The following FAM20C variants were observed in gnomAD, a reference collection of about 807,000 sequenced individuals.
FAM20C encodes extracellular serine/threonine protein kinase FAM20C.
In FAM20C, 40 loss-of-function variants were observed where a neutral mutation model predicts 51.5. The ratio of observed to expected loss-of-function variants is 0.78; its 90% CI spans 0.60 to 1.01. FAM20C has a LOEUF of 1.01. FAM20C is among the 50% of genes least tolerant of loss of function. FAM20C has a pLI of 0.00. For synonymous variants in FAM20C, 406 were observed against 380.6 expected, an observed-to-expected ratio of 1.07 and a Z score of -0.78; for missense variants, 861 against 844.7, an observed-to-expected ratio of 1.02 and a Z score of -0.24.
chr7:200,547 C>A (rs1337704034), intron 2 of FAM20C, among the ~76,000 whole-genome samples: 1 of 152,246 alleles, frequency 6.6e-6, no homozygotes, highest in African/African-American at 2.4e-5. Context: ...GAGACAGCAG[C>A]CCCCTAGCTG....
intron 7 of FAM20C, 64 bp downstream of exon 7, chr7:256,827 G>A: frequency 1.4e-6 from 2 of 1,473,026 alleles, no homozygotes; most frequent in Non-Finnish European, 9.2e-7. Context: ...ATGCACGCAG[G>A]GCTCTGCAGG....
chr7:247,262 C>T (rs561719531), intron 4 of FAM20C, among the ~76,000 whole-genome samples: 3 of 152,280 alleles, frequency 2.0e-5, no homozygotes, highest in East Asian at 1.9e-4. Context: ...GTGGGGGGTC[C>T]GTGTTCAGTG....
intron 2 of FAM20C, among the ~76,000 whole-genome samples, chr7:198,589 C>T (rs917685842): frequency 2.0e-5 from 3 of 152,266 alleles, no homozygotes; most frequent in South Asian, 4.1e-4. Context: ...GCCCTAGACC[C>T]GTGTGGGCAT....
intron 5 of FAM20C, among the ~76,000 whole-genome samples, chr7:248,666 C>G (rs1788275399): frequency 7.2e-6 from 1 of 138,340 alleles, no homozygotes; most frequent in Non-Finnish European, 1.6e-5. Flanking sequence ...GGCACGGGGG[C>G]CCACATTCAC....
chr7:229,947 C>T (rs1003634343), intron 3 of FAM20C, among the ~76,000 whole-genome samples: 1 of 151,980 alleles, frequency 6.6e-6, no homozygotes, highest in African/African-American at 2.4e-5. Flanking sequence ...GAGTTTGGCC[C>T]TGGAGAAGGG....
At chr7:205,753 C>A (rs1042839381) in intron 2 of FAM20C, among the ~76,000 whole-genome samples, 8 of 152,246 alleles carry the variant, frequency 5.3e-5, no homozygotes, top group African/African-American at 1.7e-4. Flanking sequence ...GGGGACTCTG[C>A]TTTCTCGTCT....
intron 3 of FAM20C, among the ~76,000 whole-genome samples, chr7:230,531 C>T (rs891133251): frequency 1.3e-5 from 2 of 152,254 alleles, no homozygotes; most frequent in Admixed American, 6.5e-5. Flanking sequence ...GGAGGGTGGC[C>T]GGGCCGTCTG....
chr7:256,068 A>G (rs1232595738), intron 6 of FAM20C, 39 bp downstream of exon 6: 6 of 1,525,380 alleles, frequency 3.9e-6, no homozygotes, highest in Admixed American at 2.0e-5. Flanking sequence ...CGGCCACCCT[A>G]CGGCAGAGGG....
At position 226,332 on chromosome 7, in the gene FAM20C, A is replaced by G. The variant is rs1787443773; in HGVS notation, c.863+17356A>G. Among the ~76,000 whole-genome samples the G allele has an allele frequency of 2.0e-5, 3 of 152,140 alleles. No individual in the cohort carries two copies. The South Asian group carries it at 6.2e-4, about 31-fold the overall frequency. ...GCTAGGAGGGGCCCTGGAGGGTCAC[A>G]GTGCAGGGGGTGGAAGGTTTGAAAA... On this transcript the variant is annotated intron_variant, in intron 3 of 9. Transcript: ENST00000313766.
At chr7:222,789 T>C (rs966162779) in intron 3 of FAM20C, among the ~76,000 whole-genome samples, 29 of 152,242 alleles carry the variant, frequency 1.9e-4, no homozygotes, top group Admixed American at 1.5e-3. Flanking sequence ...AGCGTGTGGG[T>C]GTGCATTGCC....
In FAM20C at chr7:259,026, G is replaced by A. The variant is rs149155557; in HGVS notation, c.1505+321G>A. ...AGACACAGGGACCCTGCTCCCGCAC[G>A]CAGCTGCCGGTCTCTGCCACTGCCA... On this transcript the variant is annotated intron_variant, in intron 9 of 9. Coordinates refer to ENST00000313766, the MANE Select transcript of FAM20C (RefSeq NM_020223.4). Among the ~76,000 whole-genome samples, 365 of 152,346 alleles carry A rather than the reference G, an allele frequency of 2.4e-3. 8 individuals are homozygous for A. In the East Asian group the frequency reaches 0.045, roughly 19 times the overall value.
chr7:251,527 A>C (rs1289147858), intron 5 of FAM20C, among the ~76,000 whole-genome samples: 1 of 152,066 alleles, frequency 6.6e-6, no homozygotes, highest in African/African-American at 2.4e-5. Context: ...CTCAAAAAAA[A>C]AAAAGACTGA....
chr7:228,799 A>C (rs1199661429), intron 3 of FAM20C: 2 of 456,014 alleles, frequency 4.4e-6, no homozygotes, highest in Non-Finnish European at 8.8e-6. Context: ...TGCTGACGGC[A>C]TGAGTGGGGT....
At chr7:205,714 T>C (rs1457427034) in intron 2 of FAM20C, among the ~76,000 whole-genome samples, 1 of 152,140 alleles carries the variant, frequency 6.6e-6, no homozygotes, top group Non-Finnish European at 1.5e-5. Flanking sequence ...AGCTCCTCCC[T>C]TGTGCCCAAG....
intron 2 of FAM20C, chr7:197,359 C>T (rs1260644645): frequency 6.0e-6 from 1 of 167,134 alleles, no homozygotes; most frequent in African/African-American, 2.4e-5. Flanking sequence ...TGAGGACCTT[C>T]CACAGGGTCT....
At chr7:250,776 T>G (rs1788367499) in intron 5 of FAM20C, among the ~76,000 whole-genome samples, 1 of 152,254 alleles carries the variant, frequency 6.6e-6, no homozygotes, top group Non-Finnish European at 1.5e-5. Flanking sequence ...TCCGCTCCAG[T>G]GATGCCTGGA....
chr7:206,381 GC>G (rs1335539374), intron 2 of FAM20C, among the ~76,000 whole-genome samples: 4 of 152,024 alleles, frequency 2.6e-5, no homozygotes, highest in Non-Finnish European at 5.9e-5. Context: ...CACGCTGGCC[GC>G]CCTTCCCTTT....
At chr7:242,530 A>G (rs535869998) in intron 3 of FAM20C, among the ~76,000 whole-genome samples, 4 of 151,472 alleles carry the variant, frequency 2.6e-5, no homozygotes, top group South Asian at 4.2e-4. Context: ...GGGCAGGGCC[A>G]GTGAGCTGGG....
intron 3 of FAM20C, chr7:228,151 C>T (rs369980088): frequency 8.9e-5 from 28 of 313,146 alleles, no homozygotes; most frequent in African/African-American, 3.7e-4. Flanking sequence ...GCCTGCGTAA[C>T]GAAACACCAG....
Sources: gnomAD v4.1 joint callset for allele counts (sites outside exome capture counted in the v4.1 genomes callset) on GRCh38, gnomAD v4.1.1 for gene constraint, MANE v1.5 for transcripts, NCBI Gene and HGNC (gene_info 2026-07-23, HGNC 2026-07-21) for gene names.